TIMM17A: variants seen among roughly 807,000 people sequenced by gnomAD.
The protein encoded by TIMM17A is translocase of inner mitochondrial membrane 17A, also known as mitochondrial import inner membrane translocase subunit Tim17-A.
Under a neutral mutation model 26.5 loss-of-function variants are expected in TIMM17A, and 15 were observed. The ratio of observed to expected loss-of-function variants is 0.57; its 90% CI spans 0.38 to 0.87. The LOEUF (loss-of-function observed/expected upper bound fraction) is 0.87. Among genes scored for constraint, TIMM17A ranks in the 40% least tolerant of loss-of-function variants. TIMM17A has a pLI of 0.00. For synonymous variants in TIMM17A, 80 were observed against 70.8 expected, an observed-to-expected ratio of 1.13 and a Z score of -0.66; for missense variants, 201 against 210.0, an observed-to-expected ratio of 0.96 and a Z score of 0.27.
At chr1:201,962,841 G>A (rs1682557511) in intron 3 of TIMM17A, 1 of 152,152 alleles carries the variant, frequency 6.6e-6, no homozygotes, top group South Asian at 2.1e-4. Flanking sequence ...TTCCAGAATA[G>A]CTGGATTTCT....
chr1:201,965,302 G>A (rs1682608845), intron 4 of TIMM17A, 131 bp from the exon 5 acceptor site: 1 of 663,740 alleles, frequency 1.5e-6, no homozygotes, highest in African/African-American at 1.8e-5. Flanking sequence ...CTGACTCTGG[G>A]TCTTAGGCAA....
At chr1:201,969,427 T>C (rs1468373775) in intron 5 of TIMM17A, 42 bp from the exon 6 acceptor site, 16 of 1,430,036 alleles carry the variant, frequency 1.1e-5, no homozygotes, top group Non-Finnish European at 1.5e-5. Context: ...AATAATATAA[T>C]ATTCAGGTGA....
intron 5 of TIMM17A, among the ~76,000 whole-genome samples, chr1:201,968,553 A>G (rs1049535924): frequency 1.3e-5 from 2 of 151,376 alleles, no homozygotes; most frequent in Admixed American, 6.6e-5. Flanking sequence ...CACCATGCCC[A>G]GCTAATTTTC....
At chr1:201,955,678 T>G (rs542238089) in intron 1 of TIMM17A, 126 bp downstream of exon 1, 1 of 1,318,060 alleles carries the variant, frequency 7.6e-7, no homozygotes, top group African/African-American at 1.5e-5. Flanking sequence ...GCCTGGTAAC[T>G]GGGCAATGCG....
At chr1:201,959,615 T>C (rs1682485830) in intron 3 of TIMM17A, among the ~76,000 whole-genome samples, 1 of 151,808 alleles carries the variant, frequency 6.6e-6, no homozygotes, top group Non-Finnish European at 1.5e-5. Context: ...GATTGTGCCA[T>C]TGGACTCCAG....
chr1:201,959,790 C>T (rs576000556), intron 3 of TIMM17A, among the ~76,000 whole-genome samples: 38 of 151,284 alleles, frequency 2.5e-4, no homozygotes, highest in African/African-American at 8.5e-4. Flanking sequence ...CTGGCTAACA[C>T]GGTGAAACCC....
intron 5 of TIMM17A, 57 bp from the exon 6 acceptor site, chr1:201,969,411 CT>C: frequency 7.3e-7 from 1 of 1,360,922 alleles, no homozygotes; most frequent in Non-Finnish European, 1.0e-6. Flanking sequence ...GAGATTTGTT[CT>C]TTTTAATAAT....
intron 2 of TIMM17A, 22 bp downstream of exon 2, chr1:201,957,402 T>C (rs1168740213): frequency 6.2e-7 from 1 of 1,602,512 alleles, no homozygotes; most frequent in East Asian, 2.2e-5. Context: ...AATGGTCTTA[T>C]TTTATCATCA....
chr1:201,957,302 C>T lies in TIMM17A; in HGVS notation c.48C>T (p.Asp16=), dbSNP rs759219649. ...TTAGCCCATGGCGAATTGTGGATGA[C>T]TGTGGTGGGGCCTTTACGATGGGTA... is the stretch of plus-strand genomic sequence containing the variant. The part of the protein sequence containing the change: ...REPCPWRIVD[D]CGGAFTMGTI... The change falls in exon 2 of 6, where the codon GAC becomes GAT. Residue 16 remains aspartate, a synonymous_variant. Transcript: ENST00000367287. 7.4e-6 allele frequency: 12 copies of T among 1,612,654 alleles called. No individual in the cohort carries two copies. The highest frequency in any genetic ancestry group is 1.0e-5 in the Non-Finnish European group (12 of 1,179,094).
intron 5 of TIMM17A, among the ~76,000 whole-genome samples, chr1:201,968,829 A>G (rs1483629148): frequency 1.3e-5 from 2 of 151,816 alleles, no homozygotes; most frequent in Non-Finnish European, 2.9e-5. Flanking sequence ...GATATTTTTT[A>G]GTCTACTTCA....
intron 5 of TIMM17A, among the ~76,000 whole-genome samples, chr1:201,968,088 C>T (rs543942801): frequency 1.3e-5 from 2 of 152,180 alleles, no homozygotes; most frequent in East Asian, 1.9e-4. Context: ...CCTCCGCCTC[C>T]GGGGTGCAAG....
chr1:201,965,527 T>G lies in TIMM17A; in HGVS notation c.414T>G (p.Ser138=). The change falls in exon 5 of 6, where the codon TCT becomes TCG. Residue 138 remains serine (S), a synonymous_variant. Coordinates refer to ENST00000367287, the MANE Select transcript of TIMM17A (RefSeq NM_006335.3). ...GTATCTTGTTGACAAGATTTGCCTC[T>G]GCACAGTTTCCCAATGGTGAGTCTT... is the stretch of plus-strand genomic sequence containing the variant. ...GAGILLTRFA[S]AQFPNGPQFA... is the part of the protein sequence containing the mutation. 6.2e-7 allele frequency: 1 copy of G among 1,612,292 alleles called. No homozygotes were observed. Among genetic ancestry groups the G allele is most frequent in the Non-Finnish European group, 8.5e-7 (1 of 1,178,266 alleles).
intron 5 of TIMM17A, among the ~76,000 whole-genome samples, chr1:201,969,154 G>C (rs1349791801): frequency 6.6e-6 from 1 of 152,190 alleles, no homozygotes; most frequent in Admixed American, 6.5e-5. Flanking sequence ...ATATATGGCA[G>C]CTTGTTACAG....
intron 3 of TIMM17A, 22 bp from the exon 4 acceptor site, chr1:201,963,594 G>A: frequency 1.3e-6 from 2 of 1,590,872 alleles, no homozygotes; most frequent in African/African-American, 1.4e-5. Flanking sequence ...GTATTTGCTT[G>A]TTTCTTTTTA....
At position 201,966,991 on chromosome 1, in the gene TIMM17A, T is replaced by TTATGTGTGTGTGTGTG. The variant is rs572223784; in HGVS notation, c.430+1449_430+1450insATGTGTGTGTGTGTGT. ...TTATATATGTTGTATATTATATATG[T>TTATGTGTGTGTGTGTG]TGTGTGTGTGTGTGTGTGTGTGTGT... On this transcript the variant is annotated intron_variant, in intron 5 of 5. Coordinates refer to ENST00000367287, the MANE Select transcript of TIMM17A (RefSeq NM_006335.3). 6.2e-3 allele frequency among the ~76,000 whole-genome samples: 820 copies of TTATGTGTGTGTGTGTG among 133,060 alleles called. 8 individuals carry two copies. Among genetic ancestry groups the TTATGTGTGTGTGTGTG allele is most frequent in the East Asian group, 0.026 (127 of 4,798 alleles). The allele number at this position is 133,060 out of a possible 152,430, so 87.3% of individuals were successfully genotyped here.
chr1:201,965,138 G>A (rs2102945152), intron 4 of TIMM17A, among the ~76,000 whole-genome samples: 1 of 152,168 alleles, frequency 6.6e-6, no homozygotes, highest in Non-Finnish European at 1.5e-5. Context: ...TTTTAGTAGA[G>A]ACGGGGTTTC....
At chr1:201,961,999 A>T (rs747924824) in intron 3 of TIMM17A, among the ~76,000 whole-genome samples, 3 of 151,936 alleles carry the variant, frequency 2.0e-5, no homozygotes, top group African/African-American at 4.8e-5. Context: ...CGTTCGCCTC[A>T]TCTGGCTCTG....
chr1:201,962,879 G>T (rs1182702171), intron 3 of TIMM17A: 3 of 152,172 alleles, frequency 2.0e-5, no homozygotes, highest in African/African-American at 7.2e-5. Context: ...GATTTTCATA[G>T]AGTAGATGCT....
chr1:201,966,985 T>TG (rs1413163365), intron 5 of TIMM17A, among the ~76,000 whole-genome samples: 3 of 59,094 alleles, frequency 5.1e-5, no homozygotes, highest in African/African-American at 1.8e-4. Flanking sequence ...TTGTATATTA[T>TG]ATATGTTGTG....
Sources: gnomAD v4.1 joint callset for allele counts (sites outside exome capture counted in the v4.1 genomes callset) on GRCh38, gnomAD v4.1.1 for gene constraint, MANE v1.5 for transcripts, NCBI Gene and HGNC (gene_info 2026-07-23, HGNC 2026-07-21) for gene names.